The following MEIOSIN variants were observed in gnomAD, a reference collection of about 807,000 sequenced individuals.
MEIOSIN encodes meiosis initiator, also known as meiosis initiator protein.
A neutral mutation model predicts 23.4 loss-of-function variants in MEIOSIN; 18 were observed. The observed-to-expected ratio is 0.77, with a 90% CI of 0.53 to 1.14. MEIOSIN has a LOEUF of 1.14. MEIOSIN is among the 50% of genes most tolerant of loss of function. The pLI, the probability that MEIOSIN is intolerant of heterozygous loss-of-function variation, is 0.00. For missense variants in MEIOSIN, 428 were observed against 242.9 expected, an observed-to-expected ratio of 1.76 and a Z score of -5.07; for synonymous variants, 187 against 100.6, an observed-to-expected ratio of 1.86 and a Z score of -5.14.
At position 45,750,737 on chromosome 19, in the gene MEIOSIN, C is replaced by T. The variant is rs1047384564; in HGVS notation, c.369C>T (p.Ala123=). ...ACCTCCAGAGAAACATCGATGCCGC[C>T]AAGGCCTTGTTCAAATGCCACATCA... ...IQYLQRNIDA[A]KALFKCHITT... Residue 123 remains alanine (A), a synonymous_variant, in exon 5 of 15, where the codon GCC becomes GCT. Transcript: ENST00000457052. The T allele has an allele frequency of 6.2e-6, 4 of 646,130 alleles. No homozygotes were observed. The highest frequency in any genetic ancestry group is 1.1e-5 in the Non-Finnish European group (4 of 362,432). 40.0% of individuals were successfully genotyped at this position (646,130 alleles called of 1,614,324 possible). A position where few individuals can be genotyped will look rare whatever the true frequency, so the allele number is the denominator to read the frequency against.
At position 45,759,015 on chromosome 19, in the gene MEIOSIN, A is replaced by G. The variant is rs1262917492; in HGVS notation, c.1150A>G (p.Met384Val). 2.4e-5 allele frequency: 17 copies of G among 702,938 alleles called. 2 individuals carry two copies. Among genetic ancestry groups the G allele is most frequent in the East Asian group, 1.6e-4 (6 of 37,306 alleles). The allele number at this position is 702,938 out of a possible 1,614,324, so 43.5% of individuals were successfully genotyped here. Reference protein sequence around the residue: ...LLPDEILEDDMEYLTQAAFFE... With the variant: ...LLPDEILEDDVEYLTQAAFFE... Reference sequence around the variant, plus strand: ...GCCAGACGAGATCTTGGAGGATGACATGGAGTACCTGACCCAAGGTGAGGC... The same window carrying G: ...GCCAGACGAGATCTTGGAGGATGACGTGGAGTACCTGACCCAAGGTGAGGC... The change falls in exon 10 of 15, where the codon ATG (methionine) becomes GTG (valine). Residue 384 changes from methionine (M) to valine (V), a missense_variant. By Grantham distance (21) the Met-to-Val change is conservative. Transcript: ENST00000457052.
rs1220005971 is a variant in MEIOSIN, at chr19:45,749,695, CA to C, written c.307-968del. On this transcript the variant is annotated intron_variant, in intron 4 of 14. Coordinates refer to ENST00000457052, the MANE Select transcript of MEIOSIN (RefSeq NM_001310124.2). ...TCAAAAAAAAAAAAAAAAAAAAGCG[CA>C]AAAAAAAAAAACAAAAAAAGACTAT... Among the ~76,000 whole-genome samples the C allele has an allele frequency of 1.5e-3, 106 of 72,304 alleles. 1 individual carries two copies. Among genetic ancestry groups the C allele is most frequent in the African/African-American group, 3.0e-3 (61 of 20,260 alleles). The allele number at this position is 72,304 out of a possible 152,430, so 47.4% of individuals were successfully genotyped here. A position where few individuals can be genotyped will look rare whatever the true frequency, so the allele number is the denominator to read the frequency against.
chr19:45,759,178 C>T, intron 10 of MEIOSIN, 145 bp downstream of exon 10: 3 of 637,008 alleles, frequency 4.7e-6, no homozygotes, highest in Non-Finnish European at 8.5e-6. Context: ...GGAGCAGCCA[C>T]AGGCTGGTGT....
Position 45,753,632 on chromosome 19 carries a change from T to C in MEIOSIN, c.419-19T>C, listed in dbSNP as rs1206961011. 8 of 695,800 alleles carry C rather than the reference T, an allele frequency of 1.1e-5. No homozygotes were observed. In the South Asian group the frequency reaches 1.2e-4, roughly 10 times the overall value. The allele number at this position is 695,800 out of a possible 1,614,324, so 43.1% of individuals were successfully genotyped here. On this transcript the variant is annotated intron_variant, in intron 5 of 14. Transcript: ENST00000457052. ...GATGGGGTGGGGGATCTGAGCTGTT[T>C]CCCTCTCCATCCCTGCAGGGCTGGG...
At chr19:45,752,058 AC>A (rs1968723660) in intron 5 of MEIOSIN, among the ~76,000 whole-genome samples, 1 of 105,022 alleles carries the variant, frequency 9.5e-6, no homozygotes, top group Admixed American at 1.1e-4. Context: ...TTTTTTTGAG[AC>A]AAGGTCTCAC....
At chr19:45,746,614 G>T (rs931237480) in intron 4 of MEIOSIN, among the ~76,000 whole-genome samples, 5 of 152,028 alleles carry the variant, frequency 3.3e-5, no homozygotes, top group Non-Finnish European at 7.4e-5. Flanking sequence ...GAGGTCAGGA[G>T]TTTGAGACCA....
intron 4 of MEIOSIN, among the ~76,000 whole-genome samples, chr19:45,748,701 G>T (rs1968638161): frequency 6.6e-6 from 1 of 152,118 alleles, no homozygotes; most frequent in Admixed American, 6.6e-5. Flanking sequence ...ATTACTTCAT[G>T]GTTTATAAGG....
At chr19:45,761,538 G>A (rs570287029) in intron 11 of MEIOSIN, 141 bp from the exon 12 acceptor site, 20 of 502,168 alleles carry the variant, frequency 4.0e-5, no homozygotes, top group African/African-American at 3.1e-4. Flanking sequence ...CCAGAGTGTT[G>A]GGGTTACAGG....
chr19:45,744,499 GTTTGT>G (rs765679162), intron 3 of MEIOSIN, among the ~76,000 whole-genome samples: 8 of 152,122 alleles, frequency 5.3e-5, no homozygotes, highest in East Asian at 1.9e-4. Context: ...TTGAGACGGA[GTTTGT>G]TTTGTTTTGT....
intron 6 of MEIOSIN, 75 bp downstream of exon 6, chr19:45,753,863 T>C: frequency 1.6e-6 from 1 of 644,614 alleles, no homozygotes; most frequent in Non-Finnish European, 2.8e-6. Flanking sequence ...AGGGATGTCC[T>C]TACTCTGGGG....
chr19:45,747,922 A>G (rs927608908), intron 4 of MEIOSIN, among the ~76,000 whole-genome samples: 3 of 151,284 alleles, frequency 2.0e-5, no homozygotes, highest in Non-Finnish European at 4.4e-5. Flanking sequence ...CAATGTGACG[A>G]AAGTCCATCT....
chr19:45,750,887 G>C (rs1386172475), intron 5 of MEIOSIN, 101 bp downstream of exon 5: 17 of 429,708 alleles, frequency 4.0e-5, no homozygotes, highest in Non-Finnish European at 5.8e-5. Flanking sequence ...CCTGGTATAG[G>C]GGACAAAGAG....
chr19:45,758,069 T>G (rs559874499), intron 9 of MEIOSIN, among the ~76,000 whole-genome samples: 1 of 151,738 alleles, frequency 6.6e-6, no homozygotes, highest in African/African-American at 2.4e-5. Flanking sequence ...ACTATCTCAG[T>G]TCACTGCAAC....
In MEIOSIN at chr19:45,733,922, G is replaced by A. The variant is rs906355959; in HGVS notation, c.-1+256G>A. 1.3e-5 allele frequency among the ~76,000 whole-genome samples: 2 copies of A among 152,194 alleles called. No homozygotes were observed. The highest frequency in any genetic ancestry group is 2.9e-5 in the Non-Finnish European group (2 of 68,030). On this transcript the variant is annotated intron_variant, in intron 1 of 14. Coordinates refer to ENST00000457052, the MANE Select transcript of MEIOSIN (RefSeq NM_001310124.2). The surrounding 1 kb of genome is among the most constrained non-coding windows in gnomAD (Gnocchi z 5.7). Reference sequence around the variant, plus strand: ...CTCTCGAGTTCTGATCTGGGATCTCGGGATTTGTGTCTAGGGGTGACTAGT... The same window carrying A: ...CTCTCGAGTTCTGATCTGGGATCTCAGGATTTGTGTCTAGGGGTGACTAGT...
chr19:45,758,274 G>T (rs1163085328), intron 9 of MEIOSIN, among the ~76,000 whole-genome samples: 1 of 152,036 alleles, frequency 6.6e-6, no homozygotes, highest in Non-Finnish European at 1.5e-5. Context: ...GATTATAGGC[G>T]TGAGCCCCCG....
intron 2 of MEIOSIN, among the ~76,000 whole-genome samples, chr19:45,737,405 C>T (rs982896919): frequency 6.6e-6 from 1 of 150,758 alleles, no homozygotes; most frequent in African/African-American, 2.4e-5. Flanking sequence ...GTCTCAAACT[C>T]CTGGGATCCA....
chr19:45,758,372 CT>C (rs199876494), intron 9 of MEIOSIN, among the ~76,000 whole-genome samples: 4 of 150,814 alleles, frequency 2.7e-5, no homozygotes, highest in East Asian at 3.9e-4. Context: ...ATTGATTTTT[CT>C]TTTTTTTTGG....
chr19:45,749,408 G>T (rs1968650812), intron 4 of MEIOSIN, among the ~76,000 whole-genome samples: 1 of 150,818 alleles, frequency 6.6e-6, no homozygotes, highest in Non-Finnish European at 1.5e-5. Context: ...GAGCGCAGTG[G>T]CTCACGCCTG....
At chr19:45,741,509 C>G (rs1968504216) in intron 3 of MEIOSIN, among the ~76,000 whole-genome samples, 1 of 152,138 alleles carries the variant, frequency 6.6e-6, no homozygotes, top group Non-Finnish European at 1.5e-5. Context: ...AAGCACTGTG[C>G]TTTCTGCATT....
Sources: gnomAD v4.1 joint callset for allele counts (sites outside exome capture counted in the v4.1 genomes callset) on GRCh38, gnomAD v4.1.1 for gene constraint, Gnocchi (gnomAD v3.1) non-coding constraint, MANE v1.5 for transcripts, NCBI Gene and HGNC (gene_info 2026-07-23, HGNC 2026-07-21) for gene names.